CHI3L2: variants seen among roughly 807,000 people sequenced by gnomAD.
The protein encoded by CHI3L2 is chitinase-3-like protein 2.
In CHI3L2, 47 loss-of-function variants were observed where a neutral mutation model predicts 47.3. That is an observed-to-expected ratio of 0.99 (90% confidence interval 0.79 to 1.27). CHI3L2 has a LOEUF of 1.27. Among genes scored for constraint, CHI3L2 ranks in the 50% most tolerant of loss-of-function variants. CHI3L2 has a pLI of 0.00. For missense variants in CHI3L2, 497 were observed against 462.1 expected (o/e 1.08, Z -0.69); for synonymous variants, 198 against 169.9 (o/e 1.17, Z -1.28).
chr1:111,241,228 T>G (rs1344777885), intron 8 of CHI3L2, 99 bp from the exon 9 acceptor site: 2 of 773,732 alleles, frequency 2.6e-6, no homozygotes, highest in Non-Finnish European at 4.8e-6. Context: ...GGTTCTGATA[T>G]TTTCCCCAAG....
intron 4 of CHI3L2, among the ~76,000 whole-genome samples, chr1:111,234,408 A>G (rs1659818227): frequency 6.6e-6 from 1 of 152,166 alleles, no homozygotes; most frequent in Non-Finnish European, 1.5e-5. Flanking sequence ...GGCTAGAGGG[A>G]TGGATTCTTG....
In CHI3L2 at chr1:111,242,378, G is replaced by T. The variant is rs1251130581; in HGVS notation, c.*2+12G>T. 3.2e-6 allele frequency: 5 copies of T among 1,585,596 alleles called. No homozygotes were observed. The South Asian group carries it at 5.8e-5, about 18-fold the overall frequency. On this transcript the variant is annotated intron_variant, in intron 10 of 10. Transcript: ENST00000369748. The stretch of plus-strand genomic sequence containing the variant: ...GGCTCCCTGTGAAGGTAACAGTCCA[G>T]GCTGGAGCTGGGAGTGGGCAGACAG...
intron 7 of CHI3L2, among the ~76,000 whole-genome samples, chr1:111,236,780 G>GA (rs1465655714): frequency 5.3e-5 from 8 of 152,210 alleles, no homozygotes; most frequent in African/African-American, 1.9e-4. Context: ...AAGTCATGCA[G>GA]AATCAGCTGT....
intron 4 of CHI3L2, among the ~76,000 whole-genome samples, chr1:111,233,803 A>G (rs12748482): frequency 0.11 from 17,107 of 151,900 alleles, 1,301 homozygotes; most frequent in Admixed American, 0.2. Context: ...GTGTCTGTGT[A>G]GAAAGAAGTA....
intron 7 of CHI3L2, 62 bp downstream of exon 7, chr1:111,236,215 G>C (rs1238481091): frequency 5.1e-6 from 8 of 1,561,504 alleles, no homozygotes; most frequent in Non-Finnish European, 7.0e-6. Context: ...GGAGAGTCCA[G>C]CATGTCTAGA....
chr1:111,234,664 G>T (rs1479974942), intron 4 of CHI3L2, among the ~76,000 whole-genome samples: 1 of 152,190 alleles, frequency 6.6e-6, no homozygotes, highest in Non-Finnish European at 1.5e-5. Context: ...TTAGCCAAAG[G>T]CAGCTCCGTT....
chr1:111,234,881 A>T (rs1659830518), intron 4 of CHI3L2, 26 bp from the exon 5 acceptor site: 2 of 1,610,544 alleles, frequency 1.2e-6, no homozygotes, highest in East Asian at 4.5e-5. Flanking sequence ...TCTTTCCAAA[A>T]AGACACTCGT....
chr1:111,238,620 G>A, intron 7 of CHI3L2, 130 bp from the exon 8 acceptor site: 1 of 879,664 alleles, frequency 1.1e-6, no homozygotes, highest in Non-Finnish European at 1.8e-6. Flanking sequence ...CGGGGGGTCT[G>A]GTCTGTTCAC....
intron 10 of CHI3L2, 118 bp downstream of exon 10, chr1:111,242,484 C>T: frequency 2.6e-6 from 3 of 1,152,278 alleles, no homozygotes; most frequent in Non-Finnish European, 3.5e-6. Flanking sequence ...TCCTTTGGCT[C>T]TTCTGCCATG....
intron 1 of CHI3L2, 55 bp from the exon 2 acceptor site, chr1:111,229,797 G>T: frequency 1.2e-6 from 2 of 1,611,384 alleles, no homozygotes; most frequent in African/African-American, 2.7e-5. Flanking sequence ...CATTATCTGG[G>T]ACAGCAGAAC....
chr1:111,231,402 C>G, intron 4 of CHI3L2, 108 bp downstream of exon 4: 1 of 855,164 alleles, frequency 1.2e-6, no homozygotes, highest in South Asian at 1.6e-5. Context: ...AGAGGTTTTC[C>G]CTTGGCCAGG....
At chr1:111,228,499 C>T (rs990732356) in intron 1 of CHI3L2, among the ~76,000 whole-genome samples, 6 of 152,178 alleles carry the variant, frequency 3.9e-5, no homozygotes, top group African/African-American at 1.2e-4. Flanking sequence ...GGGTAGAGCC[C>T]GTAGGGAGGC....
chr1:111,235,531 T>TCAAC, intron 5 of CHI3L2, 108 bp from the exon 6 acceptor site: 2 of 1,273,022 alleles, frequency 1.6e-6, no homozygotes, highest in Non-Finnish European at 1.1e-6. Flanking sequence ...AAAGGGTTGA[T>TCAAC]CCTTTCCATC....
chr1:111,234,384 A>G (rs1334615394), intron 4 of CHI3L2, among the ~76,000 whole-genome samples: 1 of 152,144 alleles, frequency 6.6e-6, no homozygotes, highest in Non-Finnish European at 1.5e-5. Flanking sequence ...AAAATCATAA[A>G]GAGGAAACAC....
chr1:111,240,204 C>A (rs1660006775), intron 8 of CHI3L2, among the ~76,000 whole-genome samples: 1 of 152,212 alleles, frequency 6.6e-6, no homozygotes, highest in African/African-American at 2.4e-5. Context: ...TGAGTGTGAA[C>A]ATGCCATCGG....
At chr1:111,230,252 AT>A (rs11392081) in intron 2 of CHI3L2, among the ~76,000 whole-genome samples, 3 of 151,036 alleles carry the variant, frequency 2.0e-5, no homozygotes, top group Admixed American at 6.6e-5. Flanking sequence ...CTCTCAATGT[AT>A]TTTTTTTTAA....
chr1:111,240,833 G>C (rs969716894), intron 8 of CHI3L2, among the ~76,000 whole-genome samples: 1 of 152,220 alleles, frequency 6.6e-6, no homozygotes, highest in Non-Finnish European at 1.5e-5. Context: ...CAGAGGAGGA[G>C]TAATAAGATT....
At chr1:111,242,164 A>G (rs1660077683) in intron 9 of CHI3L2, 63 bp from the exon 10 acceptor site, 2 of 1,605,092 alleles carry the variant, frequency 1.2e-6, no homozygotes, top group African/African-American at 1.3e-5. Flanking sequence ...TGAACCTGAT[A>G]TGGTCCTGGG....
rs187314401 is a variant in CHI3L2 at position 111,235,881 on chromosome 1, C to T, written c.605+118C>T. 5,353 of 1,539,146 alleles carry T rather than the reference C, an allele frequency of 3.5e-3. 14 individuals are homozygous for T. The highest frequency in any genetic ancestry group is 4.9e-3 in the Middle Eastern group (28 of 5,764). On this transcript the variant is annotated intron_variant, in intron 6 of 10. Coordinates refer to ENST00000369748, the MANE Select transcript of CHI3L2 (RefSeq NM_004000.3). ...AAGAGAGGGAAGGTCATTGTCCTAA[C>T]CCTGCATCATTCAGCCAGGAACAAC...
Sources: gnomAD v4.1 joint callset for allele counts (sites outside exome capture counted in the v4.1 genomes callset) on GRCh38, gnomAD v4.1.1 for gene constraint, MANE v1.5 for transcripts, NCBI Gene and HGNC (gene_info 2026-07-23, HGNC 2026-07-21) for gene names.